The following EYS variants were observed in gnomAD, a reference collection of about 807,000 sequenced individuals.
EYS encodes protein eyes shut homolog.
A neutral mutation model predicts 282.1 loss-of-function variants in EYS; 250 were observed. The observed-to-expected ratio is 0.89, with a 90% confidence interval of 0.80 to 0.98. The LOEUF is 0.98. Ranked by LOEUF, EYS falls within the 50% of genes least tolerant of loss-of-function variation. EYS has a pLI of 0.00. For missense variants in EYS, 4,016 were observed against 3,709.0 expected (o/e 1.08, Z -2.15); for synonymous variants, 1,355 against 1,282.9 (o/e 1.06, Z -1.20).
chr6:65,418,319 T>C (rs1767320167), intron 5 of EYS, among the ~76,000 whole-genome samples: 1 of 152,024 alleles, frequency 6.6e-6, no homozygotes, highest in Non-Finnish European at 1.5e-5. Flanking sequence ...TCTAGATCCT[T>C]GAGGAATTGC....
chr6:64,519,134 G>A (rs1470946649), intron 26 of EYS, among the ~76,000 whole-genome samples: 1 of 151,716 alleles, frequency 6.6e-6, no homozygotes, highest in African/African-American at 2.4e-5. Context: ...GTGTTTGAGT[G>A]AGCAATAGTA....
intron 26 of EYS, among the ~76,000 whole-genome samples, chr6:64,551,857 C>G (rs1229219789): frequency 1.3e-5 from 2 of 152,222 alleles, no homozygotes; most frequent in African/African-American, 2.4e-5. Flanking sequence ...TCCACATCCT[C>G]TCCAGCACCT....
At chr6:64,956,657 G>A (rs1769712667) in intron 14 of EYS, among the ~76,000 whole-genome samples, 1 of 152,130 alleles carries the variant, frequency 6.6e-6, no homozygotes, top group Non-Finnish European at 1.5e-5. Flanking sequence ...TCCACAGAAT[G>A]AGAGGAAAAT....
intron 1 of EYS, among the ~76,000 whole-genome samples, chr6:65,670,094 C>T (rs1164752526): frequency 6.6e-6 from 1 of 152,156 alleles, no homozygotes; most frequent in East Asian, 1.9e-4. Context: ...TAACCCTGCA[C>T]CTTTCTGTTT....
chr6:64,871,243 C>T (rs1766587551), intron 19 of EYS, among the ~76,000 whole-genome samples: 2 of 151,286 alleles, frequency 1.3e-5, no homozygotes, highest in South Asian at 2.1e-4. Flanking sequence ...TTCAATGTTC[C>T]CATTAAGACC....
intron 5 of EYS, among the ~76,000 whole-genome samples, chr6:65,457,386 A>G (rs9345639): frequency 0.19 from 28,120 of 151,888 alleles, 3,245 homozygotes; most frequent in Middle Eastern, 0.29. Context: ...GCTGGTCTCA[A>G]ATTCCTGGCC....
intron 39 of EYS, among the ~76,000 whole-genome samples, chr6:63,785,201 G>A (rs577354427): frequency 6.6e-6 from 1 of 152,178 alleles, no homozygotes; most frequent in African/African-American, 2.4e-5. Context: ...GTGAAGATGA[G>A]ATGTTTCACT....
At chr6:64,664,572 C>T (rs1410809726) in intron 22 of EYS, among the ~76,000 whole-genome samples, 3 of 152,154 alleles carry the variant, frequency 2.0e-5, no homozygotes, top group Non-Finnish European at 4.4e-5. Context: ...CCTCACCCGC[C>T]CCCAAATTCA....
Position 65,012,197 on chromosome 6 carries a change from C to T in EYS, c.2138-14494G>A, listed in dbSNP as rs930775459. Among the ~76,000 whole-genome samples, 3 of 151,972 alleles carry T rather than the reference C, an allele frequency of 2.0e-5. No individual in the cohort carries two copies. In the South Asian group the frequency reaches 6.2e-4, roughly 31 times the overall value. On this transcript the variant is annotated intron_variant, in intron 13 of 42. Transcript: ENST00000503581. ...AAAATGTAATTATATAAAGTGGTTG[C>T]CATTGTGTGAAATGTACACAAGTAT...
chr6:64,052,716 G>T (rs1362677272), intron 33 of EYS, among the ~76,000 whole-genome samples: 1 of 152,074 alleles, frequency 6.6e-6, no homozygotes, highest in Non-Finnish European at 1.5e-5. Flanking sequence ...GGAGGTAATT[G>T]AATCATGGCG....
chr6:63,992,678 T>C (rs922390087), intron 34 of EYS, among the ~76,000 whole-genome samples: 6 of 151,618 alleles, frequency 4.0e-5, no homozygotes, highest in African/African-American at 1.5e-4. Flanking sequence ...AGTTATGTCA[T>C]TAAAAAGTCA....
chr6:63,928,956 G>T (rs1337288844), intron 35 of EYS, among the ~76,000 whole-genome samples: 1 of 152,142 alleles, frequency 6.6e-6, no homozygotes, highest in East Asian at 1.9e-4. Context: ...AGAGAAGCAG[G>T]AGGTGATTTT....
chr6:64,649,804 CA>C (rs2149877422), intron 22 of EYS, among the ~76,000 whole-genome samples: 1 of 151,952 alleles, frequency 6.6e-6, no homozygotes, highest in African/African-American at 2.4e-5. Context: ...GAACAGTGAA[CA>C]AAAAATTAGG....
At chr6:63,976,496 G>A (rs1258671663) in intron 35 of EYS, among the ~76,000 whole-genome samples, 3 of 151,982 alleles carry the variant, frequency 2.0e-5, no homozygotes, top group South Asian at 2.1e-4. Flanking sequence ...TGATGGAGGC[G>A]CAAATGAATA....
intron 30 of EYS, among the ~76,000 whole-genome samples, chr6:64,239,149 A>G (rs939591861): frequency 6.6e-6 from 1 of 152,140 alleles, no homozygotes; most frequent in Non-Finnish European, 1.5e-5. Flanking sequence ...TATCCAGTCC[A>G]TCATTGATGG....
At chr6:65,195,743 C>T (rs1765749687) in intron 12 of EYS, among the ~76,000 whole-genome samples, 1 of 152,122 alleles carries the variant, frequency 6.6e-6, no homozygotes, top group Non-Finnish European at 1.5e-5. Context: ...CTAAACCATG[C>T]AAAAGCCTCT....
Position 63,749,456 on chromosome 6 carries a change from TTTG to T in EYS, c.8071+13002_8071+13004del, listed in dbSNP as rs1301554866. Among the ~76,000 whole-genome samples the T allele has an allele frequency of 3.3e-5, 5 of 152,146 alleles. No homozygotes were observed. The South Asian group carries it at 1.0e-3, about 32-fold the overall frequency. The stretch of plus-strand genomic sequence containing the variant: ...ATGTGACAATGAGAAGAATGTATAT[TTTG>T]TTGTTTTTGGGTGGAGAGTTCTGTA... On this transcript the variant is annotated intron_variant, in intron 41 of 42. Coordinates refer to ENST00000503581, the MANE Select transcript of EYS (RefSeq NM_001142800.2).
intron 11 of EYS, chr6:65,332,204 G>C: frequency 1.8e-6 from 1 of 544,426 alleles, no homozygotes; most frequent in South Asian, 2.7e-5. Flanking sequence ...GTTTCATAAA[G>C]TGTTGTGAGA....
Position 64,696,913 on chromosome 6 carries a change from T to C in EYS, c.3444-70668A>G, listed in dbSNP as rs1770601574. ...ACACAAAATTATAAAACTTACAAGTTATATAAAGCAATTACACAAAGGAGG... is the reference window on the plus strand; with the variant it reads ...ACACAAAATTATAAAACTTACAAGTCATATAAAGCAATTACACAAAGGAGG... On this transcript the variant is annotated intron_variant, in intron 22 of 42. Coordinates refer to ENST00000503581, the MANE Select transcript of EYS (RefSeq NM_001142800.2). Among the ~76,000 whole-genome samples the C allele has an allele frequency of 2.6e-5, 4 of 152,088 alleles. No homozygotes were observed. The South Asian group carries it at 8.3e-4, about 32-fold the overall frequency.
Sources: gnomAD v4.1 joint callset for allele counts (sites outside exome capture counted in the v4.1 genomes callset) on GRCh38, gnomAD v4.1.1 for gene constraint, MANE v1.5 for transcripts, NCBI Gene and HGNC (gene_info 2026-07-23, HGNC 2026-07-21) for gene names.